Variants in CSNK1G2 observed in about 807,000 individuals in gnomAD.
The protein encoded by CSNK1G2 is casein kinase 1 gamma 2.
A neutral mutation model predicts 48.0 loss-of-function variants in CSNK1G2; 11 were observed. That is an observed-to-expected ratio of 0.23 (90% CI 0.14 to 0.38). CSNK1G2 has a LOEUF of 0.38. CSNK1G2 is among the 10% of genes least tolerant of loss of function. CSNK1G2 has a pLI of 1.00. For synonymous variants in CSNK1G2, 337 were observed against 254.1 expected, an observed-to-expected ratio of 1.33 and a Z score of -3.10; for missense variants, 446 against 595.5, an observed-to-expected ratio of 0.75 and a Z score of 2.61.
At chr19:1,943,627 C>T (rs1209004992) in intron 1 of CSNK1G2, among the ~76,000 whole-genome samples, 1 of 151,474 alleles carries the variant, frequency 6.6e-6, no homozygotes, top group Non-Finnish European at 1.5e-5. Flanking sequence ...GGAGGGGGGG[C>T]ACTGTGTCTT....
chr19:1,966,967 C>G (rs1203756151), intron 1 of CSNK1G2, among the ~76,000 whole-genome samples: 1 of 152,268 alleles, frequency 6.6e-6, no homozygotes, highest in African/African-American at 2.4e-5. Flanking sequence ...GCCTCCTGGG[C>G]TCAAACGATC....
intron 1 of CSNK1G2, among the ~76,000 whole-genome samples, chr19:1,952,335 T>C (rs1466478897): frequency 2.0e-5 from 3 of 151,976 alleles, no homozygotes; most frequent in Admixed American, 1.3e-4. Flanking sequence ...TTTTTTTTTT[T>C]TTCTTGAGAC....
In CSNK1G2 at chr19:1,978,504, C is replaced by A. The variant is rs753975205; in HGVS notation, c.291C>A (p.Ser97Arg). Residue 97 changes from serine (S) to arginine (R), a missense_variant, in exon 4 of 12, where the codon AGC (serine) becomes AGA (arginine). Transcript: ENST00000255641. The surrounding 1 kb of genome is among the most constrained non-coding windows in gnomAD (Gnocchi z 7.3). ...AGTACCGGTTCTACAAGCAGCTCAG[C>A]GCCACAGGTACCGGGCGGCCCGCGG... ...HLEYRFYKQL[S>R]ATEGVPQVYY... 6.3e-7 allele frequency: 1 copy of A among 1,591,150 alleles called. No homozygotes were observed. Among genetic ancestry groups the A allele is most frequent in the South Asian group, 1.1e-5 (1 of 88,732 alleles).
intron 1 of CSNK1G2, among the ~76,000 whole-genome samples, chr19:1,941,832 C>T (rs1458768979): frequency 6.7e-6 from 1 of 149,994 alleles, no homozygotes; most frequent in Non-Finnish European, 1.5e-5. Flanking sequence ...CTCCTGCCCT[C>T]CGCTGAGCCT....
rs140955902 is a variant in CSNK1G2, at chr19:1,974,932, C to T, written c.188-3373C>T. Among the ~76,000 whole-genome samples the T allele has an allele frequency of 6.5e-3, 993 of 152,298 alleles. 15 individuals carry two copies. Among genetic ancestry groups the T allele is most frequent in the African/African-American group, 0.023 (955 of 41,546 alleles). On this transcript the variant is annotated intron_variant, in intron 2 of 11. Coordinates refer to ENST00000255641, the MANE Select transcript of CSNK1G2 (RefSeq NM_001319.7). ...GGGCTCTCCTGCCCTCTGCATGCAT[C>T]GCGAGTACTGCCGGAGGAGGCCCCT...
intron 1 of CSNK1G2, among the ~76,000 whole-genome samples, chr19:1,959,476 C>T (rs879242802): frequency 1.3e-5 from 2 of 149,330 alleles, no homozygotes; most frequent in East Asian, 2.0e-4. Flanking sequence ...CCAGCACCCG[C>T]CCCACCTTTA....
chr19:1,961,663 G>T (rs970888514), intron 1 of CSNK1G2, among the ~76,000 whole-genome samples: 4 of 152,226 alleles, frequency 2.6e-5, no homozygotes, highest in African/African-American at 9.6e-5. Flanking sequence ...GCTGCGGTGG[G>T]GGGTGGGGGA....
Position 1,979,963 on chromosome 19 carries a change from A to G in CSNK1G2, c.1139A>G (p.His380Arg). Reference sequence around the variant, plus strand: ...AATGCGGACGACCCCACGGCCGGCCACTCCAACGCCCCGATCACAGCGCCT... The same window carrying G: ...AATGCGGACGACCCCACGGCCGGCCGCTCCAACGCCCCGATCACAGCGCCT... The part of the protein sequence containing the change: ...ELNADDPTAG[H>R]SNAPITAPAE... The change falls in exon 11 of 12, where the codon CAC becomes CGC. Residue 380 changes from histidine (H) to arginine (R), a missense_variant. Around this residue, in one of 2 missense-constraint regions of CSNK1G2, gnomAD observed 188 missense variants for 179.6 expected, o/e 1.05. Transcript: ENST00000255641. The G allele has an allele frequency of 6.3e-7, 1 of 1,595,570 alleles. No individual in the cohort carries two copies. Among genetic ancestry groups the G allele is most frequent in the Non-Finnish European group, 8.5e-7 (1 of 1,170,078 alleles).
intron 1 of CSNK1G2, chr19:1,942,510 T>G (rs1471421975): frequency 6.6e-6 from 1 of 152,302 alleles, no homozygotes; most frequent in Non-Finnish European, 1.5e-5. Flanking sequence ...CACAAGGCCA[T>G]GTGGGGCTCT....
rs2015046796 is a variant in CSNK1G2 at position 1,957,736 on chromosome 19, C to T, written c.-265-11772C>T. Among the ~76,000 whole-genome samples, 1 of 151,912 alleles carries T rather than the reference C, an allele frequency of 6.6e-6. No individual in the cohort carries two copies. Among genetic ancestry groups the T allele is most frequent in the Non-Finnish European group, 1.5e-5 (1 of 67,982 alleles). ...CTGAGGGCGTCTGGCGGCATTTGAG[C>T]AGCTGCCAGATCTCCCCTGGAAACA... On this transcript the variant is annotated intron_variant, in intron 1 of 11. Coordinates refer to ENST00000255641, the MANE Select transcript of CSNK1G2 (RefSeq NM_001319.7). The surrounding 1 kb of genome is among the most constrained non-coding windows in gnomAD (Gnocchi z 5.4).
chr19:1,969,668 G>T lies in CSNK1G2; in HGVS notation c.-105G>T, dbSNP rs552746565. Reference sequence around the variant, plus strand: ...ACGGGCCCACGCCCGCCCACCGGCCGCAGTGATGTTCTAGCCACAGAGGAG... The same window carrying T: ...ACGGGCCCACGCCCGCCCACCGGCCTCAGTGATGTTCTAGCCACAGAGGAG... On this transcript the variant is annotated 5_prime_UTR_variant, in exon 2 of 12. Transcript: ENST00000255641. The T allele has an allele frequency of 9.7e-7, 1 of 1,033,226 alleles. No homozygotes were observed. The highest frequency in any genetic ancestry group is 1.3e-6 in the Non-Finnish European group (1 of 794,932). The allele number at this position is 1,033,226 out of a possible 1,614,324, so 64.0% of individuals were successfully genotyped here.
At chr19:1,950,192 T>C (rs1243188943) in intron 1 of CSNK1G2, among the ~76,000 whole-genome samples, 3 of 152,026 alleles carry the variant, frequency 2.0e-5, no homozygotes, top group Admixed American at 1.3e-4. Flanking sequence ...CAGGCTGGAG[T>C]GTGGTGGCGT....
intron 2 of CSNK1G2, among the ~76,000 whole-genome samples, chr19:1,973,089 A>C (rs1406871949): frequency 6.7e-6 from 1 of 150,026 alleles, no homozygotes; most frequent in Non-Finnish European, 1.5e-5. Context: ...CACCACACCC[A>C]GCTAATTTTT....
intron 2 of CSNK1G2, among the ~76,000 whole-genome samples, chr19:1,973,191 T>G (rs188775073): frequency 7.7e-4 from 117 of 150,974 alleles, no homozygotes; most frequent in African/African-American, 2.8e-3. Flanking sequence ...CCTCCCAAAG[T>G]GCTGGGATTA....
At position 1,978,999 on chromosome 19, in the gene CSNK1G2, C is replaced by T. The variant is rs1391349228; in HGVS notation, c.588C>T (p.Ile196=). 1.3e-6 allele frequency: 2 copies of T among 1,598,654 alleles called. No homozygotes were observed. Among genetic ancestry groups the T allele is most frequent in the African/African-American group, 1.3e-5 (1 of 74,888 alleles). The part of the protein sequence containing the change: ...IIDFGLAKEY[I]DPETKKHIPY... ...ACTTCGGGCTGGCCAAGGAGTACATCGACCCCGAGACCAAGAAGCACATCC... is the reference window on the plus strand; with the variant it reads ...ACTTCGGGCTGGCCAAGGAGTACATTGACCCCGAGACCAAGAAGCACATCC... Residue 196 remains isoleucine, a synonymous_variant, in exon 6 of 12, where the codon ATC becomes ATT. Coordinates refer to ENST00000255641, the MANE Select transcript of CSNK1G2 (RefSeq NM_001319.7). The surrounding 1 kb of genome is among the most constrained non-coding windows in gnomAD (Gnocchi z 7.3).
chr19:1,960,230 A>G (rs535668650), intron 1 of CSNK1G2, among the ~76,000 whole-genome samples: 9 of 152,340 alleles, frequency 5.9e-5, no homozygotes, highest in African/African-American at 1.9e-4. Context: ...TCTCGCCCTC[A>G]GTCCACAGGG....
intron 2 of CSNK1G2, among the ~76,000 whole-genome samples, chr19:1,977,163 G>A (rs762893574): frequency 2.6e-4 from 40 of 152,232 alleles, no homozygotes; most frequent in Admixed American, 4.6e-4. Flanking sequence ...CTGTCATGCC[G>A]CGGGACAGGT....
At chr19:1,953,812 C>T (rs767857575) in intron 1 of CSNK1G2, 4 of 517,840 alleles carry the variant, frequency 7.7e-6, no homozygotes, top group African/African-American at 1.9e-5. Flanking sequence ...CGCTGTACCG[C>T]GATCACCTGT....
At chr19:1,971,793 G>A (rs539940339) in intron 2 of CSNK1G2, among the ~76,000 whole-genome samples, 5 of 136,950 alleles carry the variant, frequency 3.7e-5, no homozygotes, top group East Asian at 2.2e-4. Flanking sequence ...TTTTTGAGAC[G>A]GAGTCTCGCT....
Sources: allele counts gnomAD v4.1 joint callset (sites outside exome capture counted in the v4.1 genomes callset), GRCh38; gene constraint gnomAD v4.1.1; regional missense constraint gnomAD v4.1.1; non-coding constraint Gnocchi (gnomAD v3.1); transcripts MANE v1.5; gene names NCBI Gene and HGNC (gene_info 2026-07-23, HGNC 2026-07-21).